The following ST8SIA1 variants were observed in gnomAD, a reference collection of about 807,000 sequenced individuals.
ST8SIA1 encodes ST8 alpha-N-acetyl-neuraminide alpha-2,8-sialyltransferase 1, also known as alpha-N-acetylneuraminide alpha-2,8-sialyltransferase.
Under a neutral mutation model 35.9 loss-of-function variants are expected in ST8SIA1, and 16 were observed. The ratio of observed to expected loss-of-function variants is 0.45; its 90% CI spans 0.30 to 0.68. ST8SIA1 has a LOEUF of 0.68. ST8SIA1 is among the 30% of genes least tolerant of loss of function. The pLI is 0.09. For synonymous variants in ST8SIA1, 170 were observed against 169.6 expected (o/e 1.00, Z -0.02); for missense variants, 383 against 453.6 (o/e 0.84, Z 1.41).
At chr12:22,307,955 GA>G (rs993082047) in intron 1 of ST8SIA1, among the ~76,000 whole-genome samples, 22 of 151,682 alleles carry the variant, frequency 1.5e-4, no homozygotes, top group Admixed American at 1.1e-3. Flanking sequence ...GGGCTACCAA[GA>G]AAAAAAAATT....
chr12:22,323,396 T>C (rs948410892), intron 1 of ST8SIA1, among the ~76,000 whole-genome samples: 2 of 152,186 alleles, frequency 1.3e-5, no homozygotes, highest in Non-Finnish European at 2.9e-5. Context: ...AATTGGTGTT[T>C]ACTGATGGAG....
rs190911787 is a variant in ST8SIA1, at chr12:22,202,298, T to C, written c.585-260A>G. 8.8e-4 allele frequency among the ~76,000 whole-genome samples: 134 copies of C among 152,344 alleles called. 3 individuals are homozygous for C. Among genetic ancestry groups the C allele is most frequent in the Admixed American group, 8.6e-3 (132 of 15,304 alleles). On this transcript the variant is annotated intron_variant, in intron 4 of 4. Transcript: ENST00000396037. ...GCTCCCTCTAAACTAAAATGCATTA[T>C]ACATTTGTTCTCTCCCAGAACGTTT...
At chr12:22,303,822 CCCG>C (rs1395879420) in intron 1 of ST8SIA1, among the ~76,000 whole-genome samples, 4 of 148,268 alleles carry the variant, frequency 2.7e-5, no homozygotes, top group Non-Finnish European at 4.5e-5. Context: ...CTAAATCCGC[CCCG>C]CCACCACCAC....
chr12:22,324,488 C>T (rs1866647492), intron 1 of ST8SIA1: 2 of 152,054 alleles, frequency 1.3e-5, no homozygotes, highest in African/African-American at 4.8e-5. Flanking sequence ...GAAAATCTTA[C>T]AGCCATTAGA....
At chr12:22,275,153 T>C (rs1056919036) in intron 2 of ST8SIA1, among the ~76,000 whole-genome samples, 17 of 152,032 alleles carry the variant, frequency 1.1e-4, no homozygotes, top group African/African-American at 4.1e-4. Flanking sequence ...CAGATAAGGA[T>C]AGGAAGGGCA....
At chr12:22,292,622 T>C (rs1866192163) in intron 1 of ST8SIA1, among the ~76,000 whole-genome samples, 1 of 152,192 alleles carries the variant, frequency 6.6e-6, no homozygotes, top group African/African-American at 2.4e-5. Context: ...TGGAGGCCAT[T>C]ATCCCAGGTG....
intron 4 of ST8SIA1, among the ~76,000 whole-genome samples, chr12:22,235,073 G>T (rs1189769570): frequency 6.6e-6 from 1 of 152,156 alleles, no homozygotes; most frequent in Non-Finnish European, 1.5e-5. Context: ...TGTGCGCAGG[G>T]TGTGTGTGTC....
intron 4 of ST8SIA1, among the ~76,000 whole-genome samples, chr12:22,209,411 A>G (rs16924749): frequency 0.18 from 26,892 of 152,168 alleles, 2,556 homozygotes; most frequent in Middle Eastern, 0.3. Flanking sequence ...GCACGACCTC[A>G]CTCGCATTCA....
chr12:22,303,300 T>TTTA (rs1866339599), intron 1 of ST8SIA1, among the ~76,000 whole-genome samples: 1 of 151,512 alleles, frequency 6.6e-6, no homozygotes, highest in Non-Finnish European at 1.5e-5. Context: ...AGATCTAAAG[T>TTTA]TTATATTGCC....
At position 22,200,605 on chromosome 12, in the gene ST8SIA1, G is replaced by A. The variant is rs918086193; in HGVS notation, c.*947C>T. On this transcript the variant is annotated 3_prime_UTR_variant, in exon 5 of 5. Coordinates refer to ENST00000396037, the MANE Select transcript of ST8SIA1 (RefSeq NM_003034.4). ...ACCTTGCAGTGAATATGCCACAGTA[G>A]ATAGAAAAGGGATTTGTCTTCTGGT... The A allele has an allele frequency of 6.6e-5, 10 of 152,122 alleles. No individual in the cohort carries two copies. Among genetic ancestry groups the A allele is most frequent in the Non-Finnish European group, 1.2e-4 (8 of 68,020 alleles). 9.4% of individuals were successfully genotyped at this position (152,122 alleles called of 1,614,324 possible). A position where few individuals can be genotyped will look rare whatever the true frequency, so the allele number is the denominator to read the frequency against.
chr12:22,246,256 C>T (rs1251367593), intron 4 of ST8SIA1, among the ~76,000 whole-genome samples: 1 of 152,126 alleles, frequency 6.6e-6, no homozygotes, highest in African/African-American at 2.4e-5. Flanking sequence ...AGATACCCCG[C>T]TGGTGTCTGC....
Position 22,198,501 on chromosome 12 carries a change from T to C in ST8SIA1, c.*3051A>G, listed in dbSNP as rs1490557977. 1.4e-5 allele frequency: 2 copies of C among 145,280 alleles called. No individual in the cohort carries two copies. Among genetic ancestry groups the C allele is most frequent in the African/African-American group, 5.2e-5 (2 of 38,680 alleles). 9.0% of individuals were successfully genotyped at this position (145,280 alleles called of 1,614,324 possible). ...TAGGAACACATAGCACAGTTAAGGA[T>C]AGAGATGCCTAACTTCATGCTACAC... On this transcript the variant is annotated 3_prime_UTR_variant, in exon 5 of 5. Transcript: ENST00000396037.
At chr12:22,311,356 G>A (rs1866447535) in intron 1 of ST8SIA1, among the ~76,000 whole-genome samples, 1 of 152,058 alleles carries the variant, frequency 6.6e-6, no homozygotes, top group Admixed American at 6.6e-5. Context: ...GCAGGTAGAG[G>A]GGGATAGAAG....
At chr12:22,320,822 TA>T (rs1203960576) in intron 1 of ST8SIA1, among the ~76,000 whole-genome samples, 2 of 76,220 alleles carry the variant, frequency 2.6e-5, no homozygotes, top group Non-Finnish European at 5.5e-5. Flanking sequence ...GAGAAAGACC[TA>T]AAAAAAAGAA....
chr12:22,270,224 G>T (rs1300405763), intron 2 of ST8SIA1, among the ~76,000 whole-genome samples: 1 of 152,172 alleles, frequency 6.6e-6, no homozygotes, highest in Non-Finnish European at 1.5e-5. Flanking sequence ...GGACACTTTT[G>T]GCTCAGCCTC....
At chr12:22,275,691 T>A (rs536548865) in intron 2 of ST8SIA1, among the ~76,000 whole-genome samples, 1 of 152,290 alleles carries the variant, frequency 6.6e-6, no homozygotes, top group East Asian at 1.9e-4. Context: ...ATCATACAGG[T>A]TGTAACCAGG....
At chr12:22,318,253 A>G (rs975273374) in intron 1 of ST8SIA1, among the ~76,000 whole-genome samples, 2 of 152,228 alleles carry the variant, frequency 1.3e-5, no homozygotes, top group African/African-American at 2.4e-5. Context: ...AGCCGAAAGG[A>G]AAGTCCATGG....
intron 1 of ST8SIA1, among the ~76,000 whole-genome samples, chr12:22,297,241 A>G (rs546783194): frequency 6.2e-4 from 94 of 151,898 alleles, no homozygotes; most frequent in African/African-American, 2.2e-3. Context: ...TCTGAATTAT[A>G]CAGATTTTTT....
At chr12:22,222,547 A>T (rs1865310911) in intron 4 of ST8SIA1, among the ~76,000 whole-genome samples, 1 of 152,086 alleles carries the variant, frequency 6.6e-6, no homozygotes, top group African/African-American at 2.4e-5. Flanking sequence ...TAATATTTTA[A>T]TTAAAAGTAG....
Sources: gnomAD v4.1 joint callset for allele counts (sites outside exome capture counted in the v4.1 genomes callset) on GRCh38, gnomAD v4.1.1 for gene constraint, MANE v1.5 for transcripts, NCBI Gene and HGNC (gene_info 2026-07-23, HGNC 2026-07-21) for gene names.